SPECC1: variants seen among roughly 807,000 people sequenced by gnomAD.
SPECC1 encodes the protein sperm antigen with calponin homology and coiled-coil domains 1.
Under a neutral mutation model 104.1 loss-of-function variants are expected in SPECC1, and 62 were observed. The ratio of observed to expected loss-of-function variants is 0.60; its 90% CI spans 0.49 to 0.74. The LOEUF is 0.74. Ranked by LOEUF, SPECC1 falls within the 30% of genes least tolerant of loss-of-function variation. The pLI is 0.00. For missense variants in SPECC1, 1,306 were observed against 1,310.5 expected (o/e 1.00, Z 0.05); for synonymous variants, 513 against 501.6 (o/e 1.02, Z -0.30).
At chr17:20,240,749 G>A (rs1357573124) in intron 7 of SPECC1, among the ~76,000 whole-genome samples, 13 of 152,086 alleles carry the variant, frequency 8.5e-5, no homozygotes, top group South Asian at 2.1e-4. Context: ...TTTTGAGTTA[G>A]CTCTGCTTTA....
chr17:20,299,280 G>T (rs956130019), intron 13 of SPECC1, among the ~76,000 whole-genome samples: 1 of 152,044 alleles, frequency 6.6e-6, no homozygotes, highest in Non-Finnish European at 1.5e-5. Context: ...TGGGCCATGT[G>T]TGGGGGCTCA....
intron 7 of SPECC1, among the ~76,000 whole-genome samples, chr17:20,240,974 C>T (rs564816556): frequency 6.6e-6 from 1 of 152,210 alleles, no homozygotes; most frequent in Non-Finnish European, 1.5e-5. Context: ...TTGCCTGTCA[C>T]CTTCTCTTGC....
intron 12 of SPECC1, among the ~76,000 whole-genome samples, chr17:20,261,105 G>C (rs918299829): frequency 3.9e-5 from 6 of 152,152 alleles, no homozygotes; most frequent in Non-Finnish European, 8.8e-5. Context: ...TGACTGTTAA[G>C]CAGGTATGTC....
In SPECC1 at chr17:20,096,671, C is replaced by T. The variant is rs1384884624; in HGVS notation, c.20C>T (p.Pro7Leu). 6.2e-7 allele frequency: 1 copy of T among 1,613,836 alleles called. No individual in the cohort carries two copies. MRSAAK[P>L]WNPAIRAGGH... ...TCAAGCATGCGGAGTGCAGCCAAGCCCTGGAACCCAGCCATCAGAGCAGGG... is the reference window on the plus strand; with the variant it reads ...TCAAGCATGCGGAGTGCAGCCAAGCTCTGGAACCCAGCCATCAGAGCAGGG... Residue 7 changes from proline to leucine, a missense_variant, in exon 2 of 15, where the codon CCC (proline) becomes CTC (leucine). Physicochemically the swap from Pro to Leu is moderately conservative, Grantham distance 98 (BLOSUM62 -3). Transcript: ENST00000395527.
chr17:20,312,742 A>G (rs2041966338), intron 14 of SPECC1, among the ~76,000 whole-genome samples: 1 of 152,322 alleles, frequency 6.6e-6, no homozygotes, highest in African/African-American at 2.4e-5. Flanking sequence ...TTCTTTTAAA[A>G]TTGTTCTAGG....
At chr17:20,304,117 CAAAAAAAAAAAAA>C (rs774130653) in intron 13 of SPECC1, among the ~76,000 whole-genome samples, 14 of 39,336 alleles carry the variant, frequency 3.6e-4, no homozygotes, top group Admixed American at 2.6e-3. Flanking sequence ...ACTAAAAATA[CAAAAAAAAAAAAA>C]AAAAAAAAAA....
chr17:20,234,116 A>G (rs930086649), intron 7 of SPECC1, among the ~76,000 whole-genome samples: 9 of 152,194 alleles, frequency 5.9e-5, no homozygotes, highest in African/African-American at 2.2e-4. Context: ...ACGTCCTGCC[A>G]GTTTAGGACT....
intron 1 of SPECC1, chr17:20,067,210 T>A (rs547900237): frequency 2.6e-5 from 4 of 152,220 alleles, no homozygotes; most frequent in African/African-American, 9.6e-5. Context: ...ATTCCAATGA[T>A]GTCATCTCAC....
chr17:20,130,540 A>G (rs1036400303), intron 3 of SPECC1, among the ~76,000 whole-genome samples: 3 of 152,176 alleles, frequency 2.0e-5, no homozygotes, highest in Non-Finnish European at 2.9e-5. Context: ...GTCTCTATTA[A>G]AAAAGAAAAT....
At chr17:20,261,501 C>CAAAAA (rs75833770) in intron 12 of SPECC1, among the ~76,000 whole-genome samples, 5 of 54,776 alleles carry the variant, frequency 9.1e-5, no homozygotes, top group Admixed American at 2.2e-4. Context: ...GACTCCGTCT[C>CAAAAA]AAAAAAAAAA....
intron 1 of SPECC1, among the ~76,000 whole-genome samples, chr17:20,012,547 T>TTGC (rs571754439): frequency 3.9e-5 from 6 of 151,964 alleles, no homozygotes; most frequent in Admixed American, 3.9e-4. Flanking sequence ...TCTCTTTATA[T>TTGC]TGCTGTACTT....
chr17:20,163,838 T>C (rs1395552303), intron 3 of SPECC1, among the ~76,000 whole-genome samples: 1 of 152,050 alleles, frequency 6.6e-6, no homozygotes, highest in Non-Finnish European at 1.5e-5. Flanking sequence ...TGAGATTTTA[T>C]AGGTGTGAGC....
chr17:20,209,245 A>G (rs773242887), intron 4 of SPECC1, among the ~76,000 whole-genome samples: 13 of 152,160 alleles, frequency 8.5e-5, no homozygotes, highest in Non-Finnish European at 1.6e-4. Context: ...TTGAGCACCA[A>G]GCAACAACGT....
At chr17:20,150,409 G>A (rs1056802507) in intron 3 of SPECC1, among the ~76,000 whole-genome samples, 4 of 151,716 alleles carry the variant, frequency 2.6e-5, no homozygotes, top group African/African-American at 9.7e-5. Context: ...GGAGGCCGAG[G>A]CGGGCAGATC....
chr17:20,180,941 T>C (rs906829007), intron 3 of SPECC1, among the ~76,000 whole-genome samples: 1 of 152,070 alleles, frequency 6.6e-6, no homozygotes, highest in Non-Finnish European at 1.5e-5. Context: ...AAGTGAAATA[T>C]GAAAATTTTG....
chr17:20,231,721 A>T, intron 5 of SPECC1, 37 bp from the exon 6 acceptor site: 1 of 1,603,244 alleles, frequency 6.2e-7, no homozygotes, highest in Non-Finnish European at 8.5e-7. Context: ...AGAGTCTCAC[A>T]GCTTTTCTAA....
chr17:20,236,883 A>G, intron 7 of SPECC1: 1 of 1,613,860 alleles, frequency 6.2e-7, no homozygotes, highest in East Asian at 2.2e-5. Context: ...GTCAGCTAGC[A>G]GAGCATTTGG....
intron 1 of SPECC1, among the ~76,000 whole-genome samples, chr17:20,042,061 T>G (rs78140542): frequency 0.069 from 10,510 of 152,272 alleles, 987 homozygotes; most frequent in African/African-American, 0.21. Context: ...TAAATGATCC[T>G]CAATGAAAAC....
intron 1 of SPECC1, among the ~76,000 whole-genome samples, chr17:20,052,164 T>C (rs1163799393): frequency 6.6e-6 from 1 of 152,224 alleles, no homozygotes; most frequent in Non-Finnish European, 1.5e-5. Flanking sequence ...TTCATTAGTT[T>C]CAATATCATG....
Sources: gnomAD v4.1 joint callset for allele counts (sites outside exome capture counted in the v4.1 genomes callset) on GRCh38, gnomAD v4.1.1 for gene constraint, MANE v1.5 for transcripts, NCBI Gene and HGNC (gene_info 2026-07-23, HGNC 2026-07-21) for gene names.